The following THSD7B variants were observed in gnomAD, a reference collection of about 807,000 sequenced individuals.
THSD7B encodes thrombospondin type 1 domain containing 7B.
In THSD7B, 138 loss-of-function variants were observed where a neutral mutation model predicts 213.6. That is an observed-to-expected ratio of 0.65 (90% CI 0.56 to 0.74). The LOEUF is 0.74. THSD7B is among the 30% of genes least tolerant of loss of function. THSD7B has a pLI of 0.00. For synonymous variants in THSD7B, 742 were observed against 687.0 expected, an observed-to-expected ratio of 1.08 and a Z score of -1.25; for missense variants, 1,931 against 1,991.5, an observed-to-expected ratio of 0.97 and a Z score of 0.58.
At chr2:137,065,652 A>T (rs1345596709) in intron 3 of THSD7B, among the ~76,000 whole-genome samples, 1 of 150,328 alleles carries the variant, frequency 6.7e-6, no homozygotes, top group East Asian at 2.0e-4. Flanking sequence ...ATTTTAATGG[A>T]ACATTTTATG....
At chr2:137,513,870 G>A (rs1407987631) in intron 15 of THSD7B, among the ~76,000 whole-genome samples, 4 of 152,138 alleles carry the variant, frequency 2.6e-5, no homozygotes, top group African/African-American at 9.7e-5. Flanking sequence ...GAGGGTCTGA[G>A]AGGAAATGTC....
At chr2:136,862,077 T>C (rs906389595) in intron 1 of THSD7B, among the ~76,000 whole-genome samples, 2 of 152,156 alleles carry the variant, frequency 1.3e-5, no homozygotes, top group Admixed American at 1.3e-4. Context: ...ATCGAGAAAG[T>C]GTGAGACAGA....
chr2:136,865,942 C>T (rs1348023269), intron 1 of THSD7B, among the ~76,000 whole-genome samples: 1 of 152,190 alleles, frequency 6.6e-6, no homozygotes, highest in African/African-American at 2.4e-5. Flanking sequence ...TAAGGTGCAG[C>T]TGTGGCCACA....
rs373611739 is a variant in THSD7B at position 136,894,604 on chromosome 2, A to G, written c.139+12287A>G. On this transcript the variant is annotated intron_variant, in intron 2 of 27. Transcript: ENST00000409968. ...AGTACATATTACGTGCTTGAGTCAT[A>G]TAAAGCATGTAACTAATGCTACTTT... 2.6e-5 allele frequency among the ~76,000 whole-genome samples: 4 copies of G among 152,340 alleles called. No individual in the cohort carries two copies. The East Asian group carries it at 5.8e-4, about 22-fold the overall frequency.
Position 136,807,508 on chromosome 2 carries a change from C to CATTTTTTT in THSD7B, c.-36+41821_-36+41822insATTTTTTT, listed in dbSNP as rs1314267493. Among the ~76,000 whole-genome samples, 31 of 49,598 alleles carry CATTTTTTT rather than the reference C, an allele frequency of 6.3e-4. 3 individuals are homozygous for CATTTTTTT. In the South Asian group the frequency reaches 0.028, roughly 45 times the overall value. The allele number at this position is 49,598 out of a possible 152,430, so 32.5% of individuals were successfully genotyped here. ...TACTTCCTAGCACTACAAAATGTTTCGTTTTTTTTTTTTTTTTGAGACGGA... is the reference window on the plus strand; with the variant it reads ...TACTTCCTAGCACTACAAAATGTTTCATTTTTTTGTTTTTTTTTTTTTTTTGAGACGGA... On this transcript the variant is annotated intron_variant, in intron 1 of 27. Coordinates refer to ENST00000409968, the MANE Select transcript of THSD7B (RefSeq NM_001316349.2).
intron 2 of THSD7B, among the ~76,000 whole-genome samples, chr2:136,918,182 T>G (rs573993923): frequency 2.9e-4 from 44 of 152,338 alleles, no homozygotes; most frequent in African/African-American, 1.0e-3. Flanking sequence ...TGAAGAGCAT[T>G]GGGTCTGGAA....
intron 6 of THSD7B, among the ~76,000 whole-genome samples, chr2:137,166,436 A>C (rs964480320): frequency 6.6e-5 from 10 of 152,192 alleles, no homozygotes; most frequent in Non-Finnish European, 1.5e-4. Context: ...TCCTTTTCAG[A>C]CATATACTAG....
chr2:136,839,258 C>A (rs1259310168), intron 1 of THSD7B, among the ~76,000 whole-genome samples: 1 of 152,164 alleles, frequency 6.6e-6, no homozygotes, highest in Non-Finnish European at 1.5e-5. Context: ...GAGGGTCACC[C>A]CTGGCTGGGA....
At chr2:137,225,295 A>G (rs780638433) in intron 7 of THSD7B, among the ~76,000 whole-genome samples, 1 of 152,118 alleles carries the variant, frequency 6.6e-6, no homozygotes, top group Non-Finnish European at 1.5e-5. Context: ...ATTCCACCCC[A>G]TGCCATGATG....
chr2:136,991,017 C>T, intron 2 of THSD7B: 1 of 1,111,356 alleles, frequency 9.0e-7, no homozygotes. Flanking sequence ...TACCTGTCCT[C>T]CCCAAAAAAG....
At chr2:137,212,924 C>T (rs1681149736) in intron 7 of THSD7B, among the ~76,000 whole-genome samples, 1 of 150,210 alleles carries the variant, frequency 6.7e-6, no homozygotes, top group Non-Finnish European at 1.5e-5. Context: ...ATAGTTGATA[C>T]TGGATAAAAG....
chr2:137,600,115 G>A (rs906861333), intron 17 of THSD7B, among the ~76,000 whole-genome samples: 11 of 151,818 alleles, frequency 7.2e-5, no homozygotes, highest in South Asian at 2.1e-4. Context: ...ATGCACACAC[G>A]CACACAGAGA....
intron 1 of THSD7B, among the ~76,000 whole-genome samples, chr2:136,784,037 A>C (rs1343985595): frequency 6.6e-6 from 1 of 152,226 alleles, no homozygotes; most frequent in African/African-American, 2.4e-5. Flanking sequence ...GTGTGTTCTA[A>C]GAATGTGTGT....
intron 2 of THSD7B, among the ~76,000 whole-genome samples, chr2:136,991,657 C>T (rs373145164): frequency 4.6e-5 from 7 of 152,034 alleles, no homozygotes; most frequent in Non-Finnish European, 8.8e-5. Flanking sequence ...TTTGTTTGTA[C>T]GCTCTTTCAT....
intron 15 of THSD7B, among the ~76,000 whole-genome samples, chr2:137,561,026 T>C (rs1320965011): frequency 6.6e-6 from 1 of 152,096 alleles, no homozygotes; most frequent in African/African-American, 2.4e-5. Flanking sequence ...TAGACACATA[T>C]GGGGAAAATT....
In THSD7B at chr2:137,297,027, CT is replaced by C. The variant is rs150637988; in HGVS notation, c.2500+21003del. ...TCTCCAGTGAACTGCTTTTTTTATT[CT>C]TATTATTTTTTAATACTTGGTTTTG... On this transcript the variant is annotated intron_variant, in intron 12 of 27. Coordinates refer to ENST00000409968, the MANE Select transcript of THSD7B (RefSeq NM_001316349.2). 1.3e-3 allele frequency among the ~76,000 whole-genome samples: 193 copies of C among 150,100 alleles called. 1 individual carries two copies. The highest frequency in any genetic ancestry group is 4.6e-3 in the African/African-American group (187 of 40,810).
intron 1 of THSD7B, among the ~76,000 whole-genome samples, chr2:136,860,574 T>G (rs1393024402): frequency 6.6e-6 from 1 of 152,156 alleles, no homozygotes; most frequent in African/African-American, 2.4e-5. Context: ...CATGTTGGAG[T>G]CATCCTTGAT....
intron 4 of THSD7B, among the ~76,000 whole-genome samples, chr2:137,108,907 T>G (rs1688299870): frequency 6.6e-6 from 1 of 152,196 alleles, no homozygotes; most frequent in East Asian, 1.9e-4. Flanking sequence ...TCCTTAATAT[T>G]TGTGATTTTG....
At chr2:137,030,843 G>C (rs1268674476) in intron 2 of THSD7B, among the ~76,000 whole-genome samples, 2 of 151,986 alleles carry the variant, frequency 1.3e-5, no homozygotes, top group African/African-American at 4.8e-5. Flanking sequence ...TTGGGTGATG[G>C]GTGCGGTAAA....
Sources: allele counts gnomAD v4.1 joint callset (sites outside exome capture counted in the v4.1 genomes callset), GRCh38; gene constraint gnomAD v4.1.1; transcripts MANE v1.5; gene names NCBI Gene and HGNC (gene_info 2026-07-23, HGNC 2026-07-21).